The following CRB2 variants were observed in gnomAD, a reference collection of about 807,000 sequenced individuals.
The protein encoded by CRB2 is protein crumbs homolog 2.
CRB2 carries 85 observed loss-of-function variants against 110.9 expected under a neutral mutation model. That is an observed-to-expected ratio of 0.77 (90% CI 0.64 to 0.92). The LOEUF is 0.92. CRB2 is among the 40% of genes least tolerant of loss of function. The probability of loss-of-function intolerance (pLI) is 0.00; values close to 1 mark genes in which losing one functional copy is unlikely to be tolerated. For synonymous variants in CRB2, 907 were observed against 831.0 expected (o/e 1.09, Z -1.57); for missense variants, 1,843 against 1,851.3 (o/e 1.00, Z 0.08).
At position 123,373,343 on chromosome 9, in the gene CRB2, G is replaced by A; in HGVS notation, c.2812G>A (p.Gly938Ser). Residue 938 changes from glycine to serine, a missense_variant, in exon 10 of 13, where the codon GGC (glycine) becomes AGC (serine). Gly to Ser is a moderately conservative substitution (Grantham distance 56). Coordinates refer to ENST00000373631, the MANE Select transcript of CRB2 (RefSeq NM_173689.7). ...GGCGGGGGGCGTGCGCGGAGGCCATGGCCTGCCCGGCGCTGTGCTGCCCAT... is the reference window on the plus strand; with the variant it reads ...GGCGGGGGGCGTGCGCGGAGGCCATAGCCTGCCCGGCGCTGTGCTGCCCAT... ...SLAGGVRGGH[G>S]LPGAVLPIPG... is the part of the protein sequence containing the mutation. 2.1e-6 allele frequency: 3 copies of A among 1,438,254 alleles called. No individual in the cohort carries two copies. Among genetic ancestry groups the A allele is most frequent in the Non-Finnish European group, 2.7e-6 (3 of 1,104,434 alleles). The allele number at this position is 1,438,254 out of a possible 1,614,324, so 89.1% of individuals were successfully genotyped here.
In CRB2 at chr9:123,371,648, G is replaced by T. The variant is rs915776072; in HGVS notation, c.2436+70G>T. On this transcript the variant is annotated intron_variant, in intron 8 of 12. Transcript: ENST00000373631. ...TTCCCAGGATCTGTCCTGTGTCACC[G>T]GGGCTTAGTGTGTCCTTTTGCTGAT... is the stretch of plus-strand genomic sequence containing the variant. The T allele has an allele frequency of 1.9e-6, 3 of 1,589,100 alleles. No individual in the cohort carries two copies. In the African/African-American group the frequency reaches 4.0e-5, roughly 21 times the overall value.
downstream of CRB2, chr9:123,378,805 G>GTTTTTTTTTTTTTTTT (rs1166539194): frequency 3.0e-5 from 3 of 100,978 alleles, no homozygotes; most frequent in Admixed American, 1.3e-4. Flanking sequence ...CCTGTTTTTT[G>GTTTTTTTTTTTTTTTT]TTTTTTTTTT....
intron 2 of CRB2, among the ~76,000 whole-genome samples, chr9:123,363,951 A>C (rs1332848867): frequency 1.1e-4 from 16 of 152,228 alleles, no homozygotes; most frequent in Admixed American, 9.8e-4. Flanking sequence ...TCCAGGGCAG[A>C]GTCTGAGTCT....
chr9:123,370,088 T>A lies in CRB2; in HGVS notation c.1055-20T>A. The A allele has an allele frequency of 6.4e-7, 1 of 1,563,362 alleles. No homozygotes were observed. Among genetic ancestry groups the A allele is most frequent in the South Asian group, 1.2e-5 (1 of 81,702 alleles). ...TCTGGCCCCAGACATTACTGAACCT[T>A]GGCTTTGTCTCTCCCAAAGGGCCGA... On this transcript the variant is annotated intron_variant, in intron 6 of 12. Transcript: ENST00000373631.
In CRB2 at chr9:123,371,103, C is replaced by T; in HGVS notation, c.1961C>T (p.Ala654Val). ...IPAATFGLGG[A>V]PSSASFLLQE... ...GCTGCCACCTTTGGCTTGGGAGGCGCCCCAAGCTCTGCCTCCTTTCTGCTC... is the reference window on the plus strand; with the variant it reads ...GCTGCCACCTTTGGCTTGGGAGGCGTCCCAAGCTCTGCCTCCTTTCTGCTC... Residue 654 changes from alanine (A) to valine (V), a missense_variant, in exon 8 of 13, where the codon GCC becomes GTC. By Grantham distance (64) the Ala-to-Val change is moderately conservative. Coordinates refer to ENST00000373631, the MANE Select transcript of CRB2 (RefSeq NM_173689.7). 2 of 1,613,224 alleles carry T rather than the reference C, an allele frequency of 1.2e-6. No individual in the cohort carries two copies. Among genetic ancestry groups the T allele is most frequent in the South Asian group, 2.2e-5 (2 of 91,068 alleles).
At chr9:123,375,469 G>A in intron 12 of CRB2, 126 bp downstream of exon 12, 1 of 1,177,278 alleles carries the variant, frequency 8.5e-7, no homozygotes, top group Non-Finnish European at 1.1e-6. Flanking sequence ...GTGGGGCAGT[G>A]AGAGGAGCCT....
intron 1 of CRB2, among the ~76,000 whole-genome samples, chr9:123,357,401 A>G (rs2041812449): frequency 6.6e-6 from 1 of 152,030 alleles, no homozygotes; most frequent in African/African-American, 2.4e-5. Context: ...CCAGAGCTCC[A>G]CAGGCTGTAG....
chr9:123,367,437 C>CACCCCCCCA (rs2041952112), intron 5 of CRB2, 80 bp downstream of exon 5: 1 of 1,006,370 alleles, frequency 9.9e-7, no homozygotes, highest in African/African-American at 2.3e-5. Context: ...CCACCCCCCC[C>CACCCCCCCA]ACCCCCCCAC....
intron 6 of CRB2, among the ~76,000 whole-genome samples, chr9:123,368,009 G>A (rs1206555684): frequency 6.6e-6 from 1 of 151,982 alleles, no homozygotes; most frequent in Non-Finnish European, 1.5e-5. Flanking sequence ...GAGAGTTAGG[G>A]GGCAGCATCT....
rs972169363 is a variant in CRB2 at position 123,377,310 on chromosome 9, T to C, written c.*248T>C. On this transcript the variant is annotated 3_prime_UTR_variant, in exon 13 of 13. Transcript: ENST00000373631. ...TTCCGCCTTGGCAGGTGTACGGCTG[T>C]GCGTGGGAGGGCACACGTGGGTTCA... The C allele has an allele frequency of 1.2e-5, 6 of 510,476 alleles. No individual in the cohort carries two copies. The highest frequency in any genetic ancestry group is 1.1e-4 in the African/African-American group (6 of 52,254). The allele number at this position is 510,476 out of a possible 1,614,324, so 31.6% of individuals were successfully genotyped here. A position where few individuals can be genotyped will look rare whatever the true frequency, so the allele number is the denominator to read the frequency against.
In CRB2 at chr9:123,356,286, CG is replaced by C. The variant is rs2041797601; in HGVS notation, c.28del (p.Asp10ThrfsTer132). 1 of 1,539,134 alleles carries C rather than the reference CG, an allele frequency of 6.5e-7. No individual in the cohort carries two copies. Among genetic ancestry groups the C allele is most frequent in the Non-Finnish European group, 8.7e-7 (1 of 1,143,526 alleles). On this transcript the variant is annotated frameshift_variant, in exon 1 of 13. Coordinates refer to ENST00000373631, the MANE Select transcript of CRB2 (RefSeq NM_173689.7). LOFTEE classifies it high-confidence loss of function. ...ATGGCGCTGGCCAGGCCTGGGACCC[CG>C]GACCCCCAGGCCCTGGCCTCTGTCC... Reference protein sequence around the residue: MALARPGTPDPQALASVLL... With the variant: MALARPGTXDPQALASVLL...
At chr9:123,364,255 G>A (rs911225731) in intron 2 of CRB2, among the ~76,000 whole-genome samples, 1 of 103,340 alleles carries the variant, frequency 9.7e-6, no homozygotes, top group Non-Finnish European at 2.2e-5. Flanking sequence ...TTTTGCATCT[G>A]TAAAGATCTG....
chr9:123,361,132 CGGGGAG>C (rs2041862835), intron 1 of CRB2, among the ~76,000 whole-genome samples: 1 of 65,934 alleles, frequency 1.5e-5, no homozygotes, highest in Non-Finnish European at 3.8e-5. Context: ...ATTGGATGGG[CGGGGAG>C]GGGGGGGGGT....
intron 2 of CRB2, among the ~76,000 whole-genome samples, chr9:123,365,424 C>G (rs895593879): frequency 6.6e-6 from 1 of 152,214 alleles, no homozygotes; most frequent in African/African-American, 2.4e-5. Context: ...CTCTCCCTTG[C>G]TTCCAACCCT....
chr9:123,355,050 A>G (rs1459396887), upstream of CRB2, among the ~76,000 whole-genome samples: 2 of 152,194 alleles, frequency 1.3e-5, no homozygotes, highest in Non-Finnish European at 2.9e-5. Context: ...CTGAATAGGG[A>G]CAAACAGGCA....
downstream of CRB2, among the ~76,000 whole-genome samples, chr9:123,379,101 G>C (rs961067425): frequency 1.6e-5 from 2 of 124,834 alleles, no homozygotes; most frequent in Non-Finnish European, 3.4e-5. Flanking sequence ...CACCGCGCCC[G>C]GCCCGCGTGC....
intron 9 of CRB2, 49 bp downstream of exon 9, chr9:123,372,391 G>T: frequency 6.5e-7 from 1 of 1,548,832 alleles, no homozygotes; most frequent in Non-Finnish European, 8.7e-7. Flanking sequence ...GGACACCTAA[G>T]CTGGTTAGAT....
rs1200210069 is a variant in CRB2 at position 123,372,370 on chromosome 9, T to C, written c.2602+28T>C. On this transcript the variant is annotated intron_variant, in intron 9 of 12. Coordinates refer to ENST00000373631, the MANE Select transcript of CRB2 (RefSeq NM_173689.7). ...GAGTGTGTGTCCTGGGCAGCTCCCG[T>C]GCTGGGTGCTGGACACCTAAGCTGG... 32 of 1,563,474 alleles carry C rather than the reference T, an allele frequency of 2.0e-5. No homozygotes were observed. In the East Asian group the frequency reaches 6.7e-4, roughly 33 times the overall value.
chr9:123,359,983 C>T (rs568008495), intron 1 of CRB2, among the ~76,000 whole-genome samples: 1 of 151,696 alleles, frequency 6.6e-6, no homozygotes, highest in South Asian at 2.1e-4. Flanking sequence ...CTGTAATGTA[C>T]TAAAGCAACA....
Sources: allele counts gnomAD v4.1 joint callset (sites outside exome capture counted in the v4.1 genomes callset), GRCh38; gene constraint gnomAD v4.1.1; transcripts MANE v1.5; gene names NCBI Gene and HGNC (gene_info 2026-07-23, HGNC 2026-07-21).